ACSBG2: variants seen among roughly 807,000 people sequenced by gnomAD.
The protein encoded by ACSBG2 is acyl-CoA synthetase bubblegum family member 2, also known as long-chain-fatty-acid--CoA ligase ACSBG2.
A neutral mutation model predicts 74.7 loss-of-function variants in ACSBG2; 62 were observed. That is an observed-to-expected ratio of 0.83 (90% CI 0.68 to 1.03). The LOEUF is 1.03. Among genes scored for constraint, ACSBG2 ranks in the 50% least tolerant of loss-of-function variants. The pLI is 0.00. For synonymous variants in ACSBG2, 309 were observed against 294.1 expected, an observed-to-expected ratio of 1.05 and a Z score of -0.52; for missense variants, 730 against 817.6, an observed-to-expected ratio of 0.89 and a Z score of 1.31.
At chr19:6,192,042 A>G (rs1423131264) in intron 14 of ACSBG2, 3 of 146,472 alleles carry the variant, frequency 2.0e-5, no homozygotes, top group Non-Finnish European at 3.0e-5. Flanking sequence ...GTAATACATA[A>G]AACACACTGG....
At chr19:6,185,328 C>A in intron 10 of ACSBG2, 108 bp from the exon 11 acceptor site, 1 of 1,082,516 alleles carries the variant, frequency 9.2e-7, no homozygotes, top group Non-Finnish European at 1.4e-6. Context: ...CATATCCAGC[C>A]TGCTCTAGCT....
intron 13 of ACSBG2, among the ~76,000 whole-genome samples, chr19:6,188,763 T>G (rs1028095715): frequency 1.3e-5 from 2 of 151,336 alleles, no homozygotes; most frequent in African/African-American, 4.9e-5. Flanking sequence ...TCTTTGGGGG[T>G]GAAGGGCTGG....
chr19:6,168,817 C>T (rs1254306603), intron 7 of ACSBG2, among the ~76,000 whole-genome samples: 1 of 152,096 alleles, frequency 6.6e-6, no homozygotes. Flanking sequence ...CTTGCTCTGT[C>T]ATCCAGGCTG....
At position 6,147,523 on chromosome 19, in the gene ACSBG2, A is replaced by AC. The variant is rs775460618; in HGVS notation, c.149dup (p.Met51AspfsTer5). Reference sequence around the variant, plus strand: ...ATCCAAACACGGACCAGGCCATGAGACCCCGATGACCATCCCTGAATTTTT... The same window carrying AC: ...ATCCAAACACGGACCAGGCCATGAGACCCCCGATGACCATCCCTGAATTTTT... On this transcript the variant is annotated frameshift_variant, in exon 3 of 15. Transcript: ENST00000588485. LOFTEE classifies it high-confidence loss of function. 4 of 1,614,070 alleles carry AC rather than the reference A, an allele frequency of 2.5e-6. No individual in the cohort carries two copies. The highest frequency in any genetic ancestry group is 3.4e-6 in the Non-Finnish European group (4 of 1,180,012).
intron 7 of ACSBG2, among the ~76,000 whole-genome samples, chr19:6,167,434 C>T (rs1003224095): frequency 1.3e-5 from 2 of 152,206 alleles, no homozygotes; most frequent in African/African-American, 4.8e-5. Flanking sequence ...TACACTGTCT[C>T]AGCTAGTGCT....
intron 3 of ACSBG2, among the ~76,000 whole-genome samples, chr19:6,150,975 G>A (rs933638209): frequency 7.2e-5 from 11 of 151,780 alleles, no homozygotes; most frequent in South Asian, 2.1e-4. Flanking sequence ...TTAGCCAGGC[G>A]TGGTGGCGCG....
intron 5 of ACSBG2, among the ~76,000 whole-genome samples, chr19:6,160,186 C>A (rs139646473): frequency 3.4e-4 from 51 of 151,818 alleles, no homozygotes; most frequent in African/African-American, 1.2e-3. Flanking sequence ...GTCAGGAGAT[C>A]GAGACCATCC....
rs991813099 is a variant in ACSBG2, at chr19:6,151,757, A to C, written c.348A>C (p.Ala116=). 4 of 1,602,926 alleles carry C rather than the reference A, an allele frequency of 2.5e-6. No individual in the cohort carries two copies. Among genetic ancestry groups the C allele is most frequent in the Admixed American group, 1.7e-5 (1 of 57,946 alleles). ...TTGGTATCCTGGGGTTTAACTCTGC[A>C]GAGTGGTTTATCACTGCTGTTGGTG... ...HGVGILGFNS[A]EWFITAVGAI... Residue 116 remains alanine (A), a synonymous_variant, in exon 4 of 15, where the codon GCA becomes GCC. Transcript: ENST00000588485.
At chr19:6,186,671 T>C (rs2090417243) in intron 11 of ACSBG2, among the ~76,000 whole-genome samples, 1 of 152,222 alleles carries the variant, frequency 6.6e-6, no homozygotes, top group Non-Finnish European at 1.5e-5. Context: ...TCATAAGGAA[T>C]TTTAAAATTC....
intron 11 of ACSBG2, 147 bp downstream of exon 11, chr19:6,185,800 GCTCTATC>G: frequency 1.3e-6 from 1 of 778,724 alleles, no homozygotes; most frequent in East Asian, 2.7e-5. Context: ...GTACAACCCA[GCTCTATC>G]CTCCTGTCCA....
chr19:6,170,800 C>A (rs904162640), intron 7 of ACSBG2, among the ~76,000 whole-genome samples: 2 of 152,050 alleles, frequency 1.3e-5, no homozygotes, highest in African/African-American at 4.8e-5. Context: ...TCTTTATTTT[C>A]TGCCTCAATG....
In ACSBG2 at chr19:6,147,464, C is replaced by A; in HGVS notation, c.86C>A (p.Thr29Asn). 1 of 1,614,160 alleles carries A rather than the reference C, an allele frequency of 6.2e-7. No individual in the cohort carries two copies. The highest frequency in any genetic ancestry group is 1.1e-5 in the South Asian group (1 of 91,084). The change falls in exon 3 of 15, where the codon ACC (threonine) becomes AAC (asparagine). Residue 29 changes from threonine to asparagine, a missense_variant. Transcript: ENST00000588485. ...TTTGCAGTTACTCCCAGGCTGTGGA[C>A]CACCTGTCGAGATGGAGAAGTCCTT... ...NKTEVTPRLW[T>N]TCRDGEVLLR...
chr19:6,163,133 T>TAAG lies in ACSBG2; in HGVS notation c.588+1840_588+1841insGAA, dbSNP rs1325602377. Among the ~76,000 whole-genome samples, 3 of 141,116 alleles carry TAAG rather than the reference T, an allele frequency of 2.1e-5. No individual in the cohort carries two copies. The East Asian group carries it at 6.1e-4, about 29-fold the overall frequency. The allele number at this position is 141,116 out of a possible 152,430, so 92.6% of individuals were successfully genotyped here. ...CTACTAAAAATACAAATAATAATAA[T>TAAG]AATAATAATAATAATAATAATAATA... On this transcript the variant is annotated intron_variant, in intron 6 of 14. Transcript: ENST00000588485.
intron 2 of ACSBG2, among the ~76,000 whole-genome samples, chr19:6,144,850 C>T (rs1356731057): frequency 1.3e-5 from 2 of 151,958 alleles, no homozygotes; most frequent in Non-Finnish European, 2.9e-5. Context: ...GCCCTCCAAC[C>T]ACGCCTGACT....
At chr19:6,188,987 T>C (rs914151653) in intron 13 of ACSBG2, among the ~76,000 whole-genome samples, 8 of 152,198 alleles carry the variant, frequency 5.3e-5, no homozygotes, top group African/African-American at 1.7e-4. Flanking sequence ...AGGGGAACTA[T>C]ATCTTGTGAT....
At chr19:6,179,146 T>C (rs1341233783) in intron 8 of ACSBG2, among the ~76,000 whole-genome samples, 1 of 152,190 alleles carries the variant, frequency 6.6e-6, no homozygotes, top group African/African-American at 2.4e-5. Flanking sequence ...TACAGGGATA[T>C]CCCTTTTTCC....
rs1568255511 is a variant in ACSBG2, at chr19:6,185,459, G to GT, written c.1347dup (p.Lys450Ter). The GT allele has an allele frequency of 6.2e-7, 1 of 1,614,186 alleles. No homozygotes were observed. ...AGCTGTGGCAAGATCTTGACTGGGT[G>GT]TAAGAATATGCTGTTCCAGCAGAAC... On this transcript the variant is annotated frameshift_variant, in exon 11 of 15. Transcript: ENST00000588485. LOFTEE classifies it high-confidence loss of function.
intron 7 of ACSBG2, among the ~76,000 whole-genome samples, chr19:6,167,122 G>A (rs139438709): frequency 6.6e-6 from 1 of 152,306 alleles, no homozygotes; most frequent in African/African-American, 2.4e-5. Context: ...TGGCCTGCTG[G>A]TTTTTAAATG....
intron 11 of ACSBG2, among the ~76,000 whole-genome samples, chr19:6,186,599 G>C (rs570633987): frequency 6.6e-6 from 1 of 152,314 alleles, no homozygotes; most frequent in South Asian, 2.1e-4. Context: ...TAACTGAAAA[G>C]GTCAGTTGGC....
Sources: allele counts gnomAD v4.1 joint callset (sites outside exome capture counted in the v4.1 genomes callset), GRCh38; gene constraint gnomAD v4.1.1; transcripts MANE v1.5; gene names NCBI Gene and HGNC (gene_info 2026-07-23, HGNC 2026-07-21).